ASIP: variants seen among roughly 807,000 people sequenced by gnomAD.
The protein encoded by ASIP is agouti signaling protein.
Under a neutral mutation model 10.3 loss-of-function variants are expected in ASIP, and 11 were observed. The ratio of observed to expected loss-of-function variants is 1.07; its 90% CI spans 0.68 to 1.78. The LOEUF is 1.78. ASIP is among the 40% of genes most tolerant of loss of function. The pLI is 0.00. For synonymous variants in ASIP, 70 were observed against 70.8 expected (o/e 0.99, Z 0.06); for missense variants, 180 against 169.2 (o/e 1.06, Z -0.35).
intron 1 of ASIP, among the ~76,000 whole-genome samples, chr20:34,212,702 C>A (rs947368515): frequency 1.3e-5 from 2 of 152,046 alleles, no homozygotes; most frequent in Non-Finnish European, 2.9e-5. Flanking sequence ...AAAAAAAATT[C>A]TTCTTTTGTG....
chr20:34,197,807 G>C (rs899146458), intron 1 of ASIP, among the ~76,000 whole-genome samples: 3 of 152,120 alleles, frequency 2.0e-5, no homozygotes, highest in Non-Finnish European at 4.4e-5. Context: ...CTCATAATCA[G>C]GAATTAAGAG....
intron 1 of ASIP, among the ~76,000 whole-genome samples, chr20:34,235,899 A>AAAGG (rs1241208934): frequency 3.9e-4 from 25 of 64,626 alleles, no homozygotes; most frequent in Non-Finnish European, 5.5e-4. Context: ...GGAAGGAAGG[A>AAAGG]AAGGAAGGAA....
At chr20:34,225,339 T>C (rs966596733) in intron 1 of ASIP, among the ~76,000 whole-genome samples, 1 of 151,084 alleles carries the variant, frequency 6.6e-6, no homozygotes, top group Non-Finnish European at 1.5e-5. Flanking sequence ...GCGCCCTGCC[T>C]GCACCTTTGT....
Position 34,258,873 on chromosome 20 carries a change from C to CTA in ASIP, c.-10-1483_-10-1482dup, listed in dbSNP as rs546363209. On this transcript the variant is annotated intron_variant, in intron 1 of 3. Coordinates refer to ENST00000374954, the MANE Select transcript of ASIP (RefSeq NM_001672.3). ...TATATAATATATGATATATATAATA[C>CTA]TATATATATAGTATTATATATATAG... is the stretch of plus-strand genomic sequence containing the variant. Among the ~76,000 whole-genome samples the CTA allele has an allele frequency of 3.2e-4, 32 of 99,698 alleles. No individual in the cohort carries two copies. The South Asian group carries it at 7.3e-3, about 23-fold the overall frequency. 65.4% of individuals were successfully genotyped at this position (99,698 alleles called of 152,430 possible). A position where few individuals can be genotyped will look rare whatever the true frequency, so the allele number is the denominator to read the frequency against.
intron 1 of ASIP, chr20:34,250,048 G>A (rs1488847022): frequency 6.6e-6 from 1 of 152,338 alleles, no homozygotes; most frequent in Admixed American, 6.5e-5. Context: ...CTGGGGTCCA[G>A]CTGATACTTC....
intron 1 of ASIP, among the ~76,000 whole-genome samples, chr20:34,258,741 T>C (rs2035628731): frequency 1.2e-5 from 1 of 84,466 alleles, no homozygotes; most frequent in African/African-American, 5.1e-5. Flanking sequence ...ATAGTATATA[T>C]ATACTATATA....
intron 1 of ASIP, among the ~76,000 whole-genome samples, chr20:34,221,464 T>C (rs948249167): frequency 1.3e-5 from 2 of 152,190 alleles, no homozygotes; most frequent in Non-Finnish European, 2.9e-5. Flanking sequence ...CTACCCTGCC[T>C]CTTTTTATCA....
chr20:34,241,434 A>G lies in ASIP; in HGVS notation c.-66A>G, dbSNP rs746775747. 1.0e-6 allele frequency: 1 copy of G among 985,124 alleles called. No individual in the cohort carries two copies. Among genetic ancestry groups the G allele is most frequent in the Non-Finnish European group, 1.2e-6 (1 of 829,642 alleles). 61.0% of individuals were successfully genotyped at this position (985,124 alleles called of 1,614,324 possible). A position where few individuals can be genotyped will look rare whatever the true frequency, so the allele number is the denominator to read the frequency against. ...ATAGATGAGCAAGCAGCAAATCTCT[A>G]CAGCTGCAAGGTGAAAAAGGAAGTT... On this transcript the variant is annotated 5_prime_UTR_variant, in exon 1 of 4. Transcript: ENST00000374954.
intron 1 of ASIP, among the ~76,000 whole-genome samples, chr20:34,211,581 G>A (rs1189275131): frequency 2.6e-5 from 4 of 151,938 alleles, no homozygotes; most frequent in Admixed American, 6.6e-5. Context: ...TTTTAATATG[G>A]GTCTACGGGT....
upstream of ASIP, among the ~76,000 whole-genome samples, chr20:34,191,740 T>G (rs530510518): frequency 5.3e-5 from 8 of 149,558 alleles, no homozygotes; most frequent in South Asian, 1.7e-3. Context: ...CTTTTTTTTT[T>G]TTTTTTTTGA....
At chr20:34,233,518 G>C (rs2035139711) in intron 1 of ASIP, among the ~76,000 whole-genome samples, 1 of 152,020 alleles carries the variant, frequency 6.6e-6, no homozygotes, top group African/African-American at 2.4e-5. Flanking sequence ...ACTGTAGGAT[G>C]GTTGCACAAC....
chr20:34,210,907 G>C (rs1396928270), intron 1 of ASIP, among the ~76,000 whole-genome samples: 1 of 152,028 alleles, frequency 6.6e-6, no homozygotes, highest in Non-Finnish European at 1.5e-5. Context: ...ACCCTATTTG[G>C]TCATGGAGTA....
In ASIP at chr20:34,243,440, G is replaced by A. The variant is rs191871912; in HGVS notation, c.-11+1951G>A. ...CAGCCCAAGAGATCAAATAATTTTAGTGTTGTTAAGAAAAAATTATTCTGA... is the reference window on the plus strand; with the variant it reads ...CAGCCCAAGAGATCAAATAATTTTAATGTTGTTAAGAAAAAATTATTCTGA... On this transcript the variant is annotated intron_variant, in intron 1 of 3. Transcript: ENST00000374954. Among the ~76,000 whole-genome samples, 11 of 152,300 alleles carry A rather than the reference G, an allele frequency of 7.2e-5. No individual in the cohort carries two copies. The East Asian group carries it at 2.1e-3, about 29-fold the overall frequency.
intron 1 of ASIP, among the ~76,000 whole-genome samples, chr20:34,254,366 C>A (rs565394382): frequency 6.6e-6 from 1 of 152,168 alleles, no homozygotes. Context: ...CCCGGCCTAG[C>A]ATTATTGTCC....
intron 1 of ASIP, among the ~76,000 whole-genome samples, chr20:34,210,593 C>T (rs889873276): frequency 4.6e-5 from 7 of 152,198 alleles, no homozygotes; most frequent in East Asian, 1.9e-4. Context: ...GTGGACCAAG[C>T]ACAACCTGCC....
At chr20:34,256,086 C>T (rs574919770) in intron 1 of ASIP, among the ~76,000 whole-genome samples, 58 of 152,246 alleles carry the variant, frequency 3.8e-4, no homozygotes, top group Non-Finnish European at 7.8e-4. Flanking sequence ...AGAGTGGTAG[C>T]AGAATTAGTA....
the ASIP span, among the ~76,000 whole-genome samples, chr20:34,186,661 G>A: frequency 6.6e-6 from 1 of 152,004 alleles, no homozygotes; most frequent in Admixed American, 6.5e-5. Context: ...ATGGGCCACT[G>A]ATGGTGACAT....
chr20:34,224,036 T>G, intron 1 of ASIP, among the ~76,000 whole-genome samples: 1 of 124,396 alleles, frequency 8.0e-6, no homozygotes, highest in African/African-American at 3.0e-5. Context: ...TCGTTAAGAG[T>G]CATCACCAAT....
At chr20:34,255,313 C>T (rs1454271547) in intron 1 of ASIP, among the ~76,000 whole-genome samples, 2 of 152,158 alleles carry the variant, frequency 1.3e-5, no homozygotes, top group Non-Finnish European at 2.9e-5. Context: ...CCCCAAACTC[C>T]TGCCACCTTT....
Sources: gnomAD v4.1 joint callset for allele counts (sites outside exome capture counted in the v4.1 genomes callset) on GRCh38, gnomAD v4.1.1 for gene constraint, MANE v1.5 for transcripts, NCBI Gene and HGNC (gene_info 2026-07-23, HGNC 2026-07-21) for gene names.